The following PSG3 variants were observed in gnomAD, a reference collection of about 807,000 sequenced individuals.
PSG3 encodes pregnancy specific beta-1-glycoprotein 3, also known as pregnancy-specific beta-1-glycoprotein 3.
PSG3 carries 61 observed loss-of-function variants against 47.5 expected under a neutral mutation model. The ratio of observed to expected loss-of-function variants is 1.28; its 90% CI spans 1.05 to 1.59. The LOEUF (loss-of-function observed/expected upper bound fraction) is 1.59, where lower values mean the gene tolerates loss of function less well. Ranked by LOEUF, PSG3 falls within the 40% of genes most tolerant of loss-of-function variation. The pLI, the probability that PSG3 is intolerant of heterozygous loss-of-function variation, is 0.00. For synonymous variants in PSG3, 263 were observed against 198.4 expected, an observed-to-expected ratio of 1.33 and a Z score of -2.74; for missense variants, 756 against 524.0, an observed-to-expected ratio of 1.44 and a Z score of -4.32.
At chr19:42,728,829 AG>A (rs150180430) in intron 5 of PSG3, among the ~76,000 whole-genome samples, 3,034 of 152,324 alleles carry the variant, frequency 0.02, 81 homozygotes, top group African/African-American at 0.068. Context: ...CTTGATCTTG[AG>A]GACTCTCCTT....
At chr19:42,729,505 T>C (rs1420749882) in intron 4 of PSG3, 128 bp from the exon 5 acceptor site, 9 of 1,492,378 alleles carry the variant, frequency 6.0e-6, no homozygotes, top group Non-Finnish European at 7.2e-6. Context: ...ACCCCCTCTA[T>C]GTTCACTGAG....
intron 5 of PSG3, among the ~76,000 whole-genome samples, chr19:42,727,002 C>G (rs889334499): frequency 6.6e-6 from 1 of 152,134 alleles, no homozygotes; most frequent in South Asian, 2.1e-4. Flanking sequence ...TGATTTTCAT[C>G]GAGTGTGCCA....
intron 2 of PSG3, chr19:42,733,703 A>G (rs903802946): frequency 1.3e-5 from 2 of 156,100 alleles, no homozygotes; most frequent in African/African-American, 2.4e-5. Context: ...ACCTCTAAAG[A>G]TAGAGCAGAG....
rs554751821 is a variant in PSG3, at chr19:42,732,694, C to T, written c.709+90G>A. On this transcript the variant is annotated intron_variant, in intron 3 of 6. Transcript: ENST00000327495. ...ATGTCCAGGGGTAAAGGTCTCTGTACTTGGACCTGAGAGGGACTGAGAGGC... is the reference window on the plus strand; with the variant it reads ...ATGTCCAGGGGTAAAGGTCTCTGTATTTGGACCTGAGAGGGACTGAGAGGC... 1.2e-5 allele frequency: 19 copies of T among 1,613,896 alleles called. No individual in the cohort carries two copies. The African/African-American group carries it at 2.5e-4, about 22-fold the overall frequency.
At chr19:42,729,544 C>T (rs1969435218) in intron 4 of PSG3, among the ~76,000 whole-genome samples, 167 bp from the exon 5 acceptor site, 1 of 152,198 alleles carries the variant, frequency 6.6e-6, no homozygotes, top group Non-Finnish European at 1.5e-5. Flanking sequence ...CCCTGTTTCT[C>T]CCATCACAAG....
Position 42,732,923 on chromosome 19 carries a change from A to C in PSG3, c.570T>G (p.Thr190=). Residue 190 remains threonine (T), a synonymous_variant, in exon 3 of 7, where the codon ACT becomes ACG. Coordinates refer to ENST00000327495, the MANE Select transcript of PSG3 (RefSeq NM_021016.4). ...WWMNGQSLPM[T]HSLQLSKNKR... is the part of the protein sequence containing the mutation. ...TGTTTTTGGACAACTGCAAGCTGTG[A>C]GTCATAGGGAGGCTCTGACCATTCA... 2 of 1,614,108 alleles carry C rather than the reference A, an allele frequency of 1.2e-6. No homozygotes were observed. The highest frequency in any genetic ancestry group is 2.2e-5 in the East Asian group (1 of 44,882).
At position 42,729,779 on chromosome 19, in the gene PSG3, G is replaced by T; in HGVS notation, c.987C>A (p.Leu329=). Residue 329 remains leucine (L), a splice_region_variant and synonymous_variant, in exon 4 of 7, where the codon CTC becomes CTA. Transcript: ENST00000327495. The part of the protein sequence containing the change: ...IRSYPVTLNV[L]YGPDLPRIYP... ...CACAGAGGAACAAAAGATACTCACA[G>T]AGGACATTCAGGGTGACTGGGTAAC... 6.2e-7 allele frequency: 1 copy of T among 1,611,592 alleles called. No individual in the cohort carries two copies. Among genetic ancestry groups the T allele is most frequent in the Non-Finnish European group, 8.5e-7 (1 of 1,178,888 alleles).
Position 42,740,438 on chromosome 19 carries a change from A to T in PSG3, c.-54T>A, listed in dbSNP as rs1382452152. On this transcript the variant is annotated 5_prime_UTR_variant, in exon 1 of 7. Coordinates refer to ENST00000327495, the MANE Select transcript of PSG3 (RefSeq NM_021016.4). ...GTGGAGCTGAGCCTAGGATCCAGAAACTTCCTGAGCATGGCTCTCAGCTGT... is the reference window on the plus strand; with the variant it reads ...GTGGAGCTGAGCCTAGGATCCAGAATCTTCCTGAGCATGGCTCTCAGCTGT... The T allele has an allele frequency of 3.7e-6, 6 of 1,612,092 alleles. No homozygotes were observed. The highest frequency in any genetic ancestry group is 1.1e-5 in the South Asian group (1 of 90,982).
intron 2 of PSG3, among the ~76,000 whole-genome samples, chr19:42,735,014 A>T (rs1455013702): frequency 1.3e-5 from 2 of 152,220 alleles, no homozygotes; most frequent in African/African-American, 4.8e-5. Flanking sequence ...ACTCCAACTT[A>T]TGAAAACGGC....
intron 1 of PSG3, chr19:42,739,300 C>T (rs1969626710): frequency 3.4e-6 from 3 of 887,570 alleles, no homozygotes; most frequent in Middle Eastern, 3.7e-4. Flanking sequence ...ACATGACCCC[C>T]ATTCCTTCAA....
chr19:42,736,531 A>C (rs1226143916), intron 2 of PSG3, among the ~76,000 whole-genome samples: 2 of 152,050 alleles, frequency 1.3e-5, no homozygotes. Context: ...GATTTGAGTA[A>C]TAATAAACCT....
rs544115320 is a variant in PSG3 at position 42,725,842 on chromosome 19, C to G, written c.1244-1817G>C. On this transcript the variant is annotated intron_variant, in intron 5 of 6. Transcript: ENST00000327495. ...TCACACCACTGTATTCCATCCTGGG[C>G]TGGCCTACAGAGTGAGAGCCTGTCT... 7.1e-5 allele frequency among the ~76,000 whole-genome samples: 10 copies of G among 141,640 alleles called. No homozygotes were observed. In the South Asian group the frequency reaches 1.8e-3, roughly 25 times the overall value. 92.9% of individuals were successfully genotyped at this position (141,640 alleles called of 152,430 possible).
At chr19:42,738,600 C>T (rs1036137221) in intron 2 of PSG3, 124 bp downstream of exon 2, 80 of 1,578,338 alleles carry the variant, frequency 5.1e-5, no homozygotes, top group Non-Finnish European at 6.4e-5. Flanking sequence ...GCACTAAATG[C>T]CCAAACCCCA....
Position 42,723,973 on chromosome 19 carries a change from T to C in PSG3, c.*9A>G. ...GTCTTCCTGAAATACAGAAATGACA[T>C]CACGGCTGCTATAATGGATTAAGGC... On this transcript the variant is annotated 3_prime_UTR_variant, in exon 6 of 7. Transcript: ENST00000327495. 6.2e-7 allele frequency: 1 copy of C among 1,606,604 alleles called. No homozygotes were observed. The highest frequency in any genetic ancestry group is 8.5e-7 in the Non-Finnish European group (1 of 1,173,232).
Position 42,721,949 on chromosome 19 carries a change from G to C in PSG3, c.*182C>G, listed in dbSNP as rs1356965095. 2.4e-6 allele frequency: 1 copy of C among 415,586 alleles called. No individual in the cohort carries two copies. The allele number at this position is 415,586 out of a possible 1,614,324, so 25.7% of individuals were successfully genotyped here. A position where few individuals can be genotyped will look rare whatever the true frequency, so the allele number is the denominator to read the frequency against. On this transcript the variant is annotated 3_prime_UTR_variant, in exon 7 of 7. Coordinates refer to ENST00000327495, the MANE Select transcript of PSG3 (RefSeq NM_021016.4). ...TTCATTAAAATTTTGAAAGTTCTTA[G>C]TCCAGTGGTATGATCTTGAAGTTAT...
rs1969426718 is a variant in PSG3, at chr19:42,729,206, T to C, written c.1160A>G (p.Lys387Arg). ...AGAGCAAGCATAGAGCCCGCTATGCTTTGTAGTAATCTGGGGGATAAAGAG... is the reference window on the plus strand; with the variant it reads ...AGAGCAAGCATAGAGCCCGCTATGCCTTGTAGTAATCTGGGGGATAAAGAG... ...QKLFIPQITT[K>R]HSGLYACSVR... Residue 387 changes from lysine (K) to arginine (R), a missense_variant, in exon 5 of 7, where the codon AAG (lysine) becomes AGG (arginine). Lys to Arg is a conservative substitution (Grantham distance 26, BLOSUM62 2). Coordinates refer to ENST00000327495, the MANE Select transcript of PSG3 (RefSeq NM_021016.4). The C allele has an allele frequency of 2.5e-6, 4 of 1,614,006 alleles. No individual in the cohort carries two copies. The highest frequency in any genetic ancestry group is 3.4e-6 in the Non-Finnish European group (4 of 1,179,866).
intron 3 of PSG3, chr19:42,732,276 A>G (rs1969483982): frequency 5.6e-6 from 1 of 178,422 alleles, no homozygotes; most frequent in South Asian, 1.4e-4. Context: ...TCAATCAGCC[A>G]AGAATGCTCT....
chr19:42,728,916 C>G lies in PSG3; in HGVS notation c.1243+207G>C, dbSNP rs879096853. Among the ~76,000 whole-genome samples, 6 of 152,114 alleles carry G rather than the reference C, an allele frequency of 3.9e-5. No individual in the cohort carries two copies. In the South Asian group the frequency reaches 8.3e-4, roughly 21 times the overall value. ...AGCCCGCTCCGTACCTTTCTCAGGC[C>G]AGACACAAGGTCAGCCATGAGAAAA... On this transcript the variant is annotated intron_variant, in intron 5 of 6. Transcript: ENST00000327495.
At chr19:42,733,390 G>T (rs1431384187) in intron 2 of PSG3, 1 of 375,470 alleles carries the variant, frequency 2.7e-6, no homozygotes, top group Non-Finnish European at 4.8e-6. Flanking sequence ...GGCCCACCTT[G>T]TGGTCCTCAC....
Sources: gnomAD v4.1 joint callset for allele counts (sites outside exome capture counted in the v4.1 genomes callset) on GRCh38, gnomAD v4.1.1 for gene constraint, MANE v1.5 for transcripts, NCBI Gene and HGNC (gene_info 2026-07-23, HGNC 2026-07-21) for gene names.